Variants in UIMC1 observed in about 807,000 individuals in gnomAD.
The protein encoded by UIMC1 is ubiquitin interaction motif containing 1, also known as BRCA1-A complex subunit RAP80.
Under a neutral mutation model 84.9 loss-of-function variants are expected in UIMC1, and 42 were observed. The observed-to-expected ratio is 0.49, with a 90% CI of 0.39 to 0.64. The LOEUF (loss-of-function observed/expected upper bound fraction) is 0.64, where lower values mean the gene tolerates loss of function less well. Ranked by LOEUF, UIMC1 falls within the 30% of genes least tolerant of loss-of-function variation. The pLI is 0.00. For synonymous variants in UIMC1, 281 were observed against 293.0 expected, an observed-to-expected ratio of 0.96 and a Z score of 0.42; for missense variants, 825 against 847.6, an observed-to-expected ratio of 0.97 and a Z score of 0.33.
intron 10 of UIMC1, among the ~76,000 whole-genome samples, chr5:176,941,693 A>AT (rs1375601583): frequency 1.3e-5 from 2 of 152,196 alleles, no homozygotes; most frequent in African/African-American, 4.8e-5. Flanking sequence ...TACATTCAGC[A>AT]TGTTAGACCA....
intron 2 of UIMC1, among the ~76,000 whole-genome samples, chr5:176,976,766 A>G (rs1770141456): frequency 1.3e-5 from 2 of 152,366 alleles, no homozygotes; most frequent in East Asian, 1.9e-4. Flanking sequence ...GTCAAGGGCT[A>G]GGGGTTTGGG....
chr5:176,930,624 C>T (rs769097877), intron 10 of UIMC1, among the ~76,000 whole-genome samples: 3 of 152,186 alleles, frequency 2.0e-5, no homozygotes, highest in East Asian at 1.9e-4. Flanking sequence ...TATAAAGATG[C>T]GGCAAATTAA....
intron 1 of UIMC1, among the ~76,000 whole-genome samples, chr5:177,019,377 AG>A (rs1158714906): frequency 1.3e-5 from 2 of 152,144 alleles, no homozygotes; most frequent in Non-Finnish European, 2.9e-5. Context: ...GGTTCACACC[AG>A]GAATCCCAGC....
At chr5:176,925,097 G>C (rs961839367) in intron 10 of UIMC1, among the ~76,000 whole-genome samples, 2 of 150,432 alleles carry the variant, frequency 1.3e-5, no homozygotes, top group African/African-American at 4.9e-5. Context: ...AATATTTGTA[G>C]AACACACATT....
At chr5:176,950,981 G>C (rs534818359) in intron 9 of UIMC1, among the ~76,000 whole-genome samples, 5 of 151,962 alleles carry the variant, frequency 3.3e-5, no homozygotes, top group Admixed American at 2.0e-4. Context: ...GTGAGGAAAG[G>C]TAATGATGCA....
At chr5:176,950,193 A>T (rs1346120228) in intron 9 of UIMC1, among the ~76,000 whole-genome samples, 5 of 140,806 alleles carry the variant, frequency 3.6e-5, no homozygotes, top group Non-Finnish European at 7.5e-5. Context: ...TCCGACTCCC[A>T]GGTTCAAGCC....
intron 1 of UIMC1, among the ~76,000 whole-genome samples, chr5:176,999,295 A>G (rs534574137): frequency 2.7e-4 from 41 of 152,286 alleles, no homozygotes; most frequent in Admixed American, 2.1e-3. Context: ...GTGGGTACAT[A>G]GGTGCATATA....
Position 176,998,928 on chromosome 5 carries a change from G to A in UIMC1, c.-9+7722C>T, listed in dbSNP as rs534814216. ...GCTCAGGCTGGGTGCAGTGTCTCAC[G>A]CCTGTAATTCCAGCACTCTGGGTGG... On this transcript the variant is annotated intron_variant, in intron 1 of 14. Coordinates refer to ENST00000511320, the MANE Select transcript of UIMC1 (RefSeq NM_001199298.2). Among the ~76,000 whole-genome samples, 6 of 152,130 alleles carry A rather than the reference G, an allele frequency of 3.9e-5. No homozygotes were observed. The South Asian group carries it at 8.3e-4, about 21-fold the overall frequency.
chr5:176,905,873 C>T (rs2149383126), intron 14 of UIMC1, 138 bp downstream of exon 14: 2 of 881,194 alleles, frequency 2.3e-6, no homozygotes, highest in Non-Finnish European at 3.6e-6. Context: ...CAGAGTCATA[C>T]TGAGAGAGAG....
chr5:177,012,069 G>A (rs1278448538), intron 1 of UIMC1, among the ~76,000 whole-genome samples: 3 of 152,144 alleles, frequency 2.0e-5, no homozygotes, highest in African/African-American at 4.8e-5. Context: ...CAAAGTGCTG[G>A]GATTACTGGC....
At chr5:176,944,507 T>A (rs536666205) in intron 9 of UIMC1, among the ~76,000 whole-genome samples, 41 of 152,310 alleles carry the variant, frequency 2.7e-4, no homozygotes, top group African/African-American at 9.1e-4. Flanking sequence ...TCCTATCCAA[T>A]CAATGTGAAA....
At chr5:176,905,910 A>T (rs898009547) in intron 14 of UIMC1, 101 bp downstream of exon 14, 3 of 1,280,738 alleles carry the variant, frequency 2.3e-6, no homozygotes, top group Admixed American at 3.5e-5. Flanking sequence ...AGTGATTTCT[A>T]CTGCAACAGT....
chr5:177,004,041 G>A (rs2149545574), intron 1 of UIMC1, among the ~76,000 whole-genome samples: 1 of 152,284 alleles, frequency 6.6e-6, no homozygotes, highest in East Asian at 1.9e-4. Context: ...CGTTATCCAA[G>A]CTGGTCTTGA....
chr5:177,014,524 G>A (rs1342711243), intron 1 of UIMC1, among the ~76,000 whole-genome samples: 1 of 152,110 alleles, frequency 6.6e-6, no homozygotes, highest in African/African-American at 2.4e-5. Context: ...GAAACTTGGG[G>A]TGGAAGTTGA....
At position 176,969,170 on chromosome 5, in the gene UIMC1, A is replaced by G; in HGVS notation, c.585T>C (p.Ser195=). The G allele has an allele frequency of 1.2e-6, 2 of 1,614,220 alleles. No homozygotes were observed. The highest frequency in any genetic ancestry group is 2.2e-5 in the East Asian group (1 of 44,876). The change falls in exon 6 of 15, where the codon TCT becomes TCC. Residue 195 remains serine (S), a synonymous_variant. Transcript: ENST00000511320. ...ACTGGTCCCAGCTTCCTGAGCTGCC[A>G]GAGACCGGCTCCTCTTCAGTTTTTT... ...HTEKTEEEPV[S]GSSGSWDQSS...
intron 6 of UIMC1, among the ~76,000 whole-genome samples, chr5:176,966,580 A>G (rs6894285): frequency 0.098 from 14,875 of 152,206 alleles, 1,521 homozygotes; most frequent in African/African-American, 0.26. Context: ...TTAAAATTAC[A>G]ATTTATATAT....
At chr5:176,989,794 GAT>G (rs1378253475) in intron 1 of UIMC1, among the ~76,000 whole-genome samples, 3 of 152,080 alleles carry the variant, frequency 2.0e-5, no homozygotes, top group Admixed American at 6.6e-5. Flanking sequence ...CATCTCACTA[GAT>G]AACTAGATAT....
At chr5:176,912,467 G>GT (rs1341305912) in intron 10 of UIMC1, among the ~76,000 whole-genome samples, 16 of 77,012 alleles carry the variant, frequency 2.1e-4, no homozygotes, top group Admixed American at 1.1e-3. Context: ...AGTCTTGACT[G>GT]TTTTTTGTTT....
At chr5:176,983,693 C>T (rs1389509101) in intron 1 of UIMC1, among the ~76,000 whole-genome samples, 1 of 152,142 alleles carries the variant, frequency 6.6e-6, no homozygotes, top group Non-Finnish European at 1.5e-5. Flanking sequence ...CCTGGCTGCC[C>T]ATCGTCTAGG....
Sources: allele counts gnomAD v4.1 joint callset (sites outside exome capture counted in the v4.1 genomes callset), GRCh38; gene constraint gnomAD v4.1.1; transcripts MANE v1.5; gene names NCBI Gene and HGNC (gene_info 2026-07-23, HGNC 2026-07-21).